The following RABGAP1L variants were observed in gnomAD, a reference collection of about 807,000 sequenced individuals.
RABGAP1L encodes RAB GTPase activating protein 1 like.
A neutral mutation model predicts 137.7 loss-of-function variants in RABGAP1L; 63 were observed. The ratio of observed to expected loss-of-function variants is 0.46; its 90% CI spans 0.37 to 0.56. The LOEUF is 0.56. Ranked by LOEUF, RABGAP1L falls within the 20% of genes least tolerant of loss-of-function variation. The pLI, the probability that RABGAP1L is intolerant of heterozygous loss-of-function variation, is 0.00. For synonymous variants in RABGAP1L, 431 were observed against 433.7 expected (o/e 0.99, Z 0.08); for missense variants, 1,095 against 1,244.0 (o/e 0.88, Z 1.80).
At chr1:174,821,685 CTGT>C (rs1235701700) in intron 19 of RABGAP1L, among the ~76,000 whole-genome samples, 2 of 152,194 alleles carry the variant, frequency 1.3e-5, no homozygotes, top group Non-Finnish European at 2.9e-5. Flanking sequence ...TTATTCCTGG[CTGT>C]TGTTGCTGTA....
intron 14 of RABGAP1L, among the ~76,000 whole-genome samples, chr1:174,670,108 A>G (rs1677066333): frequency 6.6e-6 from 1 of 152,148 alleles, no homozygotes; most frequent in Non-Finnish European, 1.5e-5. Context: ...TTTTCAGTCC[A>G]TGAACATGGG....
chr1:174,850,183 A>T, intron 19 of RABGAP1L: 1 of 407,712 alleles, frequency 2.5e-6, no homozygotes, highest in Non-Finnish European at 4.8e-6. Flanking sequence ...TCATAACATG[A>T]TGCCCTCAGG....
intron 19 of RABGAP1L, among the ~76,000 whole-genome samples, chr1:174,838,007 CTTT>C (rs1374888479): frequency 6.6e-6 from 1 of 152,144 alleles, no homozygotes; most frequent in Admixed American, 6.5e-5. Flanking sequence ...ATATTAATCC[CTTT>C]AACCCCTTGA....
rs147044345 is a variant in RABGAP1L at position 174,992,340 on chromosome 1, T to C, written c.*2339T>C. ...CTGTAATCCCAGCTACTCGGGAGGT[T>C]GAGGCAGGAGAATCACTTGAACCCA... On this transcript the variant is annotated 3_prime_UTR_variant, in exon 26 of 26. Coordinates refer to ENST00000681986, the MANE Select transcript of RABGAP1L (RefSeq NM_001366446.1). The C allele has an allele frequency of 0.013, 1,943 of 152,340 alleles. 16 individuals carry two copies. The highest frequency in any genetic ancestry group is 0.018 in the Non-Finnish European group (1,240 of 68,132). The allele number at this position is 152,340 out of a possible 1,614,324, so 9.4% of individuals were successfully genotyped here. A position where few individuals can be genotyped will look rare whatever the true frequency, so the allele number is the denominator to read the frequency against.
chr1:174,612,315 A>G (rs1671330578), intron 13 of RABGAP1L, among the ~76,000 whole-genome samples: 1 of 152,212 alleles, frequency 6.6e-6, no homozygotes, highest in South Asian at 2.1e-4. Context: ...TGAGATAATC[A>G]TGTGATTTTT....
At chr1:174,697,410 C>T (rs1679340082) in intron 15 of RABGAP1L, among the ~76,000 whole-genome samples, 2 of 152,094 alleles carry the variant, frequency 1.3e-5, no homozygotes, top group South Asian at 2.1e-4. Context: ...CAACCTCCAC[C>T]TCCCAGGTCA....
At chr1:174,536,146 T>C (rs1016613577) in intron 13 of RABGAP1L, among the ~76,000 whole-genome samples, 6 of 152,214 alleles carry the variant, frequency 3.9e-5, no homozygotes, top group African/African-American at 9.6e-5. Context: ...ATTTTAATTA[T>C]TGATAAGGTG....
At chr1:174,805,714 C>G (rs1014739763) in intron 18 of RABGAP1L, among the ~76,000 whole-genome samples, 2 of 152,068 alleles carry the variant, frequency 1.3e-5, no homozygotes, top group African/African-American at 4.8e-5. Flanking sequence ...GTTGGTTAGG[C>G]TGGTTTTGAA....
chr1:174,780,251 A>G (rs904825025), intron 18 of RABGAP1L, among the ~76,000 whole-genome samples: 8 of 152,084 alleles, frequency 5.3e-5, no homozygotes, highest in Non-Finnish European at 1.0e-4. Flanking sequence ...GAGTTCAAAT[A>G]CATAGTTTAT....
At chr1:174,779,671 T>A (rs1164353988) in intron 18 of RABGAP1L, among the ~76,000 whole-genome samples, 1 of 152,202 alleles carries the variant, frequency 6.6e-6, no homozygotes, top group East Asian at 1.9e-4. Context: ...TGAAGTTTTG[T>A]ATTAGAAAGA....
At position 174,441,735 on chromosome 1, in the gene RABGAP1L, AAAAC is replaced by A. The variant is rs568316315; in HGVS notation, c.1710+47610_1710+47613del. The stretch of plus-strand genomic sequence containing the variant: ...GTCAACAAGATCGAAACTCTGTCTC[AAAAC>A]AAACAAACAAACAAACAAATAAAAA... On this transcript the variant is annotated intron_variant, in intron 13 of 25. Transcript: ENST00000681986. 2.4e-4 allele frequency among the ~76,000 whole-genome samples: 36 copies of A among 152,134 alleles called. 1 individual carries two copies. In the South Asian group the frequency reaches 2.9e-3, roughly 12 times the overall value.
chr1:174,792,375 A>G (rs571731087), intron 18 of RABGAP1L, among the ~76,000 whole-genome samples: 1 of 152,334 alleles, frequency 6.6e-6, no homozygotes, highest in Admixed American at 6.5e-5. Context: ...CTCATAGGAG[A>G]CCCAGTTTGC....
intron 13 of RABGAP1L, among the ~76,000 whole-genome samples, chr1:174,437,885 A>T (rs1397752253): frequency 6.6e-6 from 1 of 152,158 alleles, no homozygotes. Flanking sequence ...CAGAAACCCT[A>T]CAAGCCAGAA....
At chr1:174,421,762 G>T (rs1329916484) in intron 13 of RABGAP1L, among the ~76,000 whole-genome samples, 5 of 152,074 alleles carry the variant, frequency 3.3e-5, no homozygotes, top group Non-Finnish European at 7.4e-5. Flanking sequence ...GTTGTTGTTT[G>T]TTTGTTTTGT....
chr1:174,638,425 T>G (rs1454666793), intron 14 of RABGAP1L, among the ~76,000 whole-genome samples: 1 of 151,636 alleles, frequency 6.6e-6, no homozygotes, highest in Non-Finnish European at 1.5e-5. Flanking sequence ...GGAACACTTT[T>G]ACACTGTTGG....
chr1:174,762,351 A>G (rs74826217), intron 18 of RABGAP1L, among the ~76,000 whole-genome samples: 13,744 of 152,192 alleles, frequency 0.09, 846 homozygotes, highest in East Asian at 0.22. Context: ...CAATAGACCA[A>G]TCTGTCTTTC....
At chr1:174,878,893 T>A (rs1371709158) in intron 19 of RABGAP1L, among the ~76,000 whole-genome samples, 1 of 150,756 alleles carries the variant, frequency 6.6e-6, no homozygotes, top group Non-Finnish European at 1.5e-5. Flanking sequence ...TTAATAATGA[T>A]ATTAAGAGAA....
At chr1:174,349,691 C>A (rs1432682172) in intron 11 of RABGAP1L, among the ~76,000 whole-genome samples, 1 of 137,958 alleles carries the variant, frequency 7.2e-6, no homozygotes, top group Non-Finnish European at 1.6e-5. Flanking sequence ...GGGCTGACAC[C>A]CCCACCTCCC....
At chr1:174,256,775 G>A (rs542620042) in intron 7 of RABGAP1L, among the ~76,000 whole-genome samples, 34 of 152,270 alleles carry the variant, frequency 2.2e-4, no homozygotes, top group South Asian at 1.0e-3. Flanking sequence ...GGGAGACTCC[G>A]TCTCAACAAA....
Sources: allele counts gnomAD v4.1 joint callset (sites outside exome capture counted in the v4.1 genomes callset), GRCh38; gene constraint gnomAD v4.1.1; transcripts MANE v1.5; gene names NCBI Gene and HGNC (gene_info 2026-07-23, HGNC 2026-07-21).